Variants in ANKRD36 observed in about 807,000 individuals in gnomAD.
ANKRD36 encodes the protein ankyrin repeat domain 36, also known as ankyrin repeat domain-containing protein 36A.
In ANKRD36, 179 loss-of-function variants were observed where a neutral mutation model predicts 278.1. The ratio of observed to expected loss-of-function variants is 0.64; its 90% CI spans 0.57 to 0.73. The LOEUF (loss-of-function observed/expected upper bound fraction) is 0.73. Ranked by LOEUF, ANKRD36 falls within the 30% of genes least tolerant of loss-of-function variation. ANKRD36 has a pLI of 0.00. For synonymous variants in ANKRD36, 320 were observed against 641.1 expected (o/e 0.50, Z 7.57); for missense variants, 1,159 against 1,956.7 (o/e 0.59, Z 7.69).
chr2:97,144,754 T>C (rs1294854168), intron 10 of ANKRD36, 42 bp downstream of exon 10: 3 of 1,537,278 alleles, frequency 2.0e-6, no homozygotes, highest in Non-Finnish European at 1.7e-6. Context: ...ACAGTCAAGA[T>C]AGAGAACTTC....
chr2:97,168,111 C>T (rs77494218), intron 22 of ANKRD36, among the ~76,000 whole-genome samples: 694 of 133,584 alleles, frequency 5.2e-3, no homozygotes, highest in South Asian at 0.02. Context: ...TGTCCTTTAC[C>T]TAGAGAAAAG....
At chr2:97,211,319 A>G (rs562151117) in intron 56 of ANKRD36, among the ~76,000 whole-genome samples, 1 of 152,044 alleles carries the variant, frequency 6.6e-6, no homozygotes, top group South Asian at 2.1e-4. Flanking sequence ...TCGACATATG[A>G]CAAATCATAG....
In ANKRD36 at chr2:97,190,254, A is replaced by G. The variant is rs1440902774; in HGVS notation, c.2246-724A>G. Among the ~76,000 whole-genome samples, 8 of 95,386 alleles carry G rather than the reference A, an allele frequency of 8.4e-5. 1 individual carries two copies. Among genetic ancestry groups the G allele is most frequent in the African/African-American group, 2.0e-4 (8 of 39,160 alleles). 62.6% of individuals were successfully genotyped at this position (95,386 alleles called of 152,430 possible). On this transcript the variant is annotated intron_variant, in intron 34 of 75. Transcript: ENST00000420699. ...AATGCTTGTAGCAGTTTTACTTTGT[A>G]GAAGTATGTCAAAATTGATAATTGA...
chr2:97,149,369 A>C lies in ANKRD36; in HGVS notation c.1101+8A>C. 6.6e-7 allele frequency: 1 copy of C among 1,521,578 alleles called. No individual in the cohort carries two copies. Among genetic ancestry groups the C allele is most frequent in the Non-Finnish European group, 8.8e-7 (1 of 1,140,478 alleles). 94.3% of individuals were successfully genotyped at this position (1,521,578 alleles called of 1,614,324 possible). On this transcript the variant is annotated splice_region_variant and intron_variant, in intron 12 of 75. Coordinates refer to ENST00000420699, the MANE Select transcript of ANKRD36 (RefSeq NM_001354587.1). ...TTTTCTTTGGAATCTGAGGTAGAGT[A>C]CTCTCTTGTGAAATTAATTTTCTCC...
intron 67 of ANKRD36, among the ~76,000 whole-genome samples, chr2:97,226,344 G>A (rs1232723299): frequency 6.6e-6 from 1 of 151,926 alleles, no homozygotes; most frequent in African/African-American, 2.4e-5. Flanking sequence ...GTATCTCATT[G>A]TGGTTTTGAT....
rs1400178779 is a variant in ANKRD36, at chr2:97,158,728, C to A, written c.1389+73C>A. 7 of 1,374,418 alleles carry A rather than the reference C, an allele frequency of 5.1e-6. No individual in the cohort carries two copies. In the Admixed American group the frequency reaches 8.6e-5, roughly 17 times the overall value. 85.1% of individuals were successfully genotyped at this position (1,374,418 alleles called of 1,614,324 possible). A position where few individuals can be genotyped will look rare whatever the true frequency, so the allele number is the denominator to read the frequency against. On this transcript the variant is annotated intron_variant, in intron 17 of 75. Transcript: ENST00000420699. ...GTCCTGTTCACCAACTCACTCTTATCTGTTAATGATCTTTAGTTTTACAAT... is the reference window on the plus strand; with the variant it reads ...GTCCTGTTCACCAACTCACTCTTATATGTTAATGATCTTTAGTTTTACAAT...
At chr2:97,140,639 G>A (rs1415571915) in intron 6 of ANKRD36, among the ~76,000 whole-genome samples, 1 of 151,962 alleles carries the variant, frequency 6.6e-6, no homozygotes, top group Non-Finnish European at 1.5e-5. Flanking sequence ...GGCTGCTTTT[G>A]TGAAGAAGGA....
intron 54 of ANKRD36, among the ~76,000 whole-genome samples, chr2:97,209,465 T>C (rs1375270204): frequency 2.0e-5 from 3 of 146,346 alleles, no homozygotes; most frequent in East Asian, 2.0e-4. Context: ...ACAAATCATA[T>C]AATGTTTGAA....
At chr2:97,188,510 G>A (rs1236802455) in intron 32 of ANKRD36, among the ~76,000 whole-genome samples, 1 of 151,002 alleles carries the variant, frequency 6.6e-6, no homozygotes, top group Non-Finnish European at 1.5e-5. Flanking sequence ...ACATGGGGGT[G>A]AGAGATAATG....
chr2:97,154,893 TA>T lies in ANKRD36; in HGVS notation c.1260+153del, dbSNP rs1316940616. 6.0e-4 allele frequency among the ~76,000 whole-genome samples: 87 copies of T among 144,936 alleles called. 4 individuals carry two copies. Among genetic ancestry groups the T allele is most frequent in the Admixed American group, 8.9e-4 (13 of 14,620 alleles). On this transcript the variant is annotated intron_variant, in intron 15 of 75. Transcript: ENST00000420699. Reference sequence around the variant, plus strand: ...ATTAGAGATAACCATTTTAAAGAAATAGGGGGGGTTAATTTTAATTTTTTTT... The same window carrying T: ...ATTAGAGATAACCATTTTAAAGAAATGGGGGGGTTAATTTTAATTTTTTTT...
chr2:97,221,744 T>G (rs1399566550), intron 66 of ANKRD36, among the ~76,000 whole-genome samples: 1 of 149,922 alleles, frequency 6.7e-6, no homozygotes, highest in East Asian at 2.0e-4. Context: ...TTCACTCGGA[T>G]GGTAGTTTCT....
In ANKRD36 at chr2:97,178,379, G is replaced by A. The variant is rs141387354; in HGVS notation, c.1634-1359G>A. On this transcript the variant is annotated intron_variant, in intron 22 of 75. Coordinates refer to ENST00000420699, the MANE Select transcript of ANKRD36 (RefSeq NM_001354587.1). ...CGCTGCTATAAAGACACATGCACAC[G>A]CATGCTTATTACGGCATTATTCACA... is the stretch of plus-strand genomic sequence containing the variant. Among the ~76,000 whole-genome samples, 1,479 of 151,924 alleles carry A rather than the reference G, an allele frequency of 9.7e-3. 80 individuals are homozygous for A. The highest frequency in any genetic ancestry group is 0.085 in the Admixed American group (1,292 of 15,178).
chr2:97,140,596 G>A (rs1459018449), intron 6 of ANKRD36, among the ~76,000 whole-genome samples: 1 of 152,040 alleles, frequency 6.6e-6, no homozygotes, highest in Non-Finnish European at 1.5e-5. Context: ...GAACAGCTGT[G>A]AAAGAGTGTC....
chr2:97,192,185 T>G (rs1437947796), intron 36 of ANKRD36, among the ~76,000 whole-genome samples: 1 of 151,750 alleles, frequency 6.6e-6, no homozygotes, highest in African/African-American at 2.4e-5. Context: ...GGCTAATATA[T>G]TATCCTGTGG....
chr2:97,202,722 G>A (rs1372283522), intron 48 of ANKRD36, among the ~76,000 whole-genome samples: 1 of 151,794 alleles, frequency 6.6e-6, no homozygotes, highest in Non-Finnish European at 1.5e-5. Flanking sequence ...AAGAGAGGAA[G>A]TATCGATTTT....
intron 62 of ANKRD36, chr2:97,215,799 T>A (rs1272037299): frequency 3.1e-6 from 2 of 641,564 alleles, no homozygotes; most frequent in African/African-American, 3.7e-5. Context: ...CAAGTTTCCA[T>A]CAAGAGGGGA....
In ANKRD36 at chr2:97,165,811, T is replaced by A. The variant is rs565616279; in HGVS notation, c.1531+1342T>A. ...GGTAGAAATGAAAATCTTTCTGTTT[T>A]ATATATTTGTTTCTGTCCATGGCAC... On this transcript the variant is annotated intron_variant, in intron 20 of 75. Coordinates refer to ENST00000420699, the MANE Select transcript of ANKRD36 (RefSeq NM_001354587.1). Among the ~76,000 whole-genome samples the A allele has an allele frequency of 9.8e-5, 15 of 152,420 alleles. No homozygotes were observed. In the East Asian group the frequency reaches 2.9e-3, roughly 29 times the overall value.
chr2:97,139,231 G>T (rs919772494), intron 6 of ANKRD36, among the ~76,000 whole-genome samples: 1 of 151,860 alleles, frequency 6.6e-6, no homozygotes, highest in Non-Finnish European at 1.5e-5. Context: ...GAGCTGTTAT[G>T]GTCTTAGGGT....
Position 97,118,100 on chromosome 2 carries a change from G to A in ANKRD36, c.234G>A (p.Pro78=), listed in dbSNP as rs573963229. ...ALHLACATGQ[P]EMVHLLVSRR... ...ATTTGGCCTGTGCCACTGGCCAACC[G>A]GAAATGGTACATCTCCTGGTGTCCA... The change falls in exon 2 of 76, where the codon CCG becomes CCA. Residue 78 remains proline (P), a synonymous_variant. Coordinates refer to ENST00000420699, the MANE Select transcript of ANKRD36 (RefSeq NM_001354587.1). 211 of 1,557,554 alleles carry A rather than the reference G, an allele frequency of 1.4e-4. 6 individuals are homozygous for A. The highest frequency in any genetic ancestry group is 1.3e-3 in the South Asian group (110 of 84,290).
Sources: allele counts gnomAD v4.1 joint callset (sites outside exome capture counted in the v4.1 genomes callset), GRCh38; gene constraint gnomAD v4.1.1; transcripts MANE v1.5; gene names NCBI Gene and HGNC (gene_info 2026-07-23, HGNC 2026-07-21).